The following SNTG2 variants were observed in gnomAD, a reference collection of about 807,000 sequenced individuals.
SNTG2 encodes the protein gamma-2-syntrophin.
In SNTG2, 74 loss-of-function variants were observed where a neutral mutation model predicts 70.9. That is an observed-to-expected ratio of 1.04 (90% CI 0.86 to 1.27). The LOEUF is 1.27. Ranked by LOEUF, SNTG2 falls within the 50% of genes most tolerant of loss-of-function variation. The pLI is 0.00. For missense variants in SNTG2, 717 were observed against 690.7 expected (o/e 1.04, Z -0.43); for synonymous variants, 278 against 273.8 (o/e 1.02, Z -0.15).
intron 1 of SNTG2, among the ~76,000 whole-genome samples, chr2:1,069,595 A>C (rs1205998627): frequency 1.3e-5 from 2 of 151,996 alleles, no homozygotes; most frequent in African/African-American, 2.4e-5. Context: ...GATCGAGATC[A>C]TCCTGGCCAA....
At chr2:1,362,962 A>C (rs1325809338) in intron 16 of SNTG2, among the ~76,000 whole-genome samples, 3 of 151,834 alleles carry the variant, frequency 2.0e-5, no homozygotes, top group Non-Finnish European at 4.4e-5. Context: ...CTTCCACGAA[A>C]ATGACTGACA....
intron 7 of SNTG2, among the ~76,000 whole-genome samples, chr2:1,166,449 C>T (rs1572623900): frequency 6.6e-6 from 1 of 152,204 alleles, no homozygotes; most frequent in South Asian, 2.1e-4. Flanking sequence ...CCTGGGGGTT[C>T]ATATTGACTG....
At chr2:1,134,901 A>G (rs1260616638) in intron 4 of SNTG2, among the ~76,000 whole-genome samples, 2 of 152,166 alleles carry the variant, frequency 1.3e-5, no homozygotes, top group East Asian at 1.9e-4. Flanking sequence ...AGAGAAATCA[A>G]GCGCAACACC....
In SNTG2 at chr2:1,189,550, T is replaced by C. The variant is rs1185841397; in HGVS notation, c.591+16367T>C. Among the ~76,000 whole-genome samples, 11 of 148,670 alleles carry C rather than the reference T, an allele frequency of 7.4e-5. No homozygotes were observed. The South Asian group carries it at 1.7e-3, about 23-fold the overall frequency. ...CAACTGAAACACAATAGAGGAAATA[T>C]AATGGGACTCTAACTTTTTTTTTTT... On this transcript the variant is annotated intron_variant, in intron 8 of 16. Coordinates refer to ENST00000308624, the MANE Select transcript of SNTG2 (RefSeq NM_018968.4).
intron 16 of SNTG2, among the ~76,000 whole-genome samples, chr2:1,334,935 G>A (rs917748020): frequency 6.6e-6 from 1 of 152,072 alleles, no homozygotes; most frequent in Non-Finnish European, 1.5e-5. Context: ...AAAAACTATT[G>A]AAATAAAAAT....
chr2:1,127,199 C>T (rs1326069945), intron 4 of SNTG2, among the ~76,000 whole-genome samples: 1 of 151,848 alleles, frequency 6.6e-6, no homozygotes, highest in Non-Finnish European at 1.5e-5. Context: ...GTTCTCCCAG[C>T]ACCATTTATT....
At chr2:1,244,354 G>A (rs1161819852) in intron 11 of SNTG2, among the ~76,000 whole-genome samples, 3 of 152,070 alleles carry the variant, frequency 2.0e-5, no homozygotes, top group East Asian at 1.9e-4. Context: ...GTGACTCCTC[G>A]TAATAAATAT....
intron 6 of SNTG2, chr2:1,160,553 A>C (rs1297488733): frequency 6.6e-6 from 1 of 152,118 alleles, no homozygotes; most frequent in African/African-American, 2.4e-5. Context: ...GATGTCACCA[A>C]CTTCGTGTCC....
At chr2:1,219,921 T>C (rs1674640953) in intron 9 of SNTG2, 1 of 152,242 alleles carries the variant, frequency 6.6e-6, no homozygotes, top group African/African-American at 2.4e-5. Flanking sequence ...AGATGGGCTC[T>C]ATAGTAGTCA....
At chr2:1,083,760 C>T (rs1664502269) in intron 2 of SNTG2, 105 bp downstream of exon 2, 1 of 1,271,358 alleles carries the variant, frequency 7.9e-7, no homozygotes, top group Admixed American at 2.0e-5. Context: ...AAAGCTGCTA[C>T]TCGTTATTTA....
intron 14 of SNTG2, among the ~76,000 whole-genome samples, chr2:1,283,822 G>A (rs534530601): frequency 2.0e-4 from 31 of 152,278 alleles, no homozygotes; most frequent in Non-Finnish European, 3.2e-4. Context: ...AGCGAGTCTT[G>A]GGCATGGATA....
chr2:1,354,887 C>T (rs967669303), intron 16 of SNTG2, among the ~76,000 whole-genome samples: 2 of 152,196 alleles, frequency 1.3e-5, no homozygotes, highest in African/African-American at 4.8e-5. Context: ...TGGTAAATAC[C>T]TCTGGGTAGA....
chr2:1,101,208 C>A (rs1476186496), intron 4 of SNTG2, among the ~76,000 whole-genome samples: 1 of 152,210 alleles, frequency 6.6e-6, no homozygotes, highest in Admixed American at 6.5e-5. Flanking sequence ...AGCCTGCCTG[C>A]CTGCCCCTGC....
intron 6 of SNTG2, among the ~76,000 whole-genome samples, chr2:1,149,480 C>T (rs1014038831): frequency 1.3e-5 from 2 of 152,076 alleles, no homozygotes; most frequent in Non-Finnish European, 2.9e-5. Context: ...CGCTTATTTT[C>T]GTCCATGAGC....
intron 2 of SNTG2, among the ~76,000 whole-genome samples, chr2:1,092,252 AG>A (rs141271926): frequency 0.24 from 35,903 of 150,890 alleles, 4,464 homozygotes; most frequent in African/African-American, 0.28. Flanking sequence ...TCAATTAGAG[AG>A]AGAAAAAAAA....
intron 9 of SNTG2, among the ~76,000 whole-genome samples, chr2:1,213,672 G>A (rs1483207120): frequency 1.3e-5 from 2 of 152,120 alleles, no homozygotes; most frequent in Non-Finnish European, 2.9e-5. Flanking sequence ...GGACCATTTG[G>A]ACACAGCAAT....
chr2:1,316,588 A>G (rs1306103127), intron 16 of SNTG2, among the ~76,000 whole-genome samples: 1 of 152,260 alleles, frequency 6.6e-6, no homozygotes, highest in Non-Finnish European at 1.5e-5. Context: ...TGAGACCAGA[A>G]GTGTTTGGGA....
At chr2:1,016,533 G>A (rs548611472) in intron 1 of SNTG2, among the ~76,000 whole-genome samples, 148 of 145,014 alleles carry the variant, frequency 1.0e-3, no homozygotes, top group Middle Eastern at 3.7e-3. Flanking sequence ...GAGCCACCAC[G>A]CCCGGCCGAC....
intron 8 of SNTG2, among the ~76,000 whole-genome samples, chr2:1,185,850 G>A (rs181750507): frequency 6.6e-6 from 1 of 152,278 alleles, no homozygotes; most frequent in African/African-American, 2.4e-5. Flanking sequence ...TTAACATTTG[G>A]CTCCTCTTTA....
Sources: gnomAD v4.1 joint callset for allele counts (sites outside exome capture counted in the v4.1 genomes callset) on GRCh38, gnomAD v4.1.1 for gene constraint, MANE v1.5 for transcripts, NCBI Gene and HGNC (gene_info 2026-07-23, HGNC 2026-07-21) for gene names.